Variants in NXPH1 observed in about 807,000 individuals in gnomAD.
NXPH1 encodes the protein neurexophilin-1.
In NXPH1, 5 loss-of-function variants were observed where a neutral mutation model predicts 23.7. The ratio of observed to expected loss-of-function variants is 0.21; its 90% CI spans 0.11 to 0.44. The LOEUF is 0.44. NXPH1 is among the 20% of genes least tolerant of loss of function. NXPH1 has a pLI of 0.99. For synonymous variants in NXPH1, 144 were observed against 122.2 expected (o/e 1.18, Z -1.18); for missense variants, 324 against 321.6 (o/e 1.01, Z -0.06).
intron 2 of NXPH1, among the ~76,000 whole-genome samples, chr7:8,607,751 A>G (rs1189962450): frequency 6.6e-6 from 1 of 152,212 alleles, no homozygotes; most frequent in African/African-American, 2.4e-5. Flanking sequence ...GTGGGTTGAA[A>G]TATGTTCCCC....
intron 2 of NXPH1, among the ~76,000 whole-genome samples, chr7:8,666,784 A>G (rs1438557917): frequency 2.6e-5 from 4 of 151,984 alleles, no homozygotes; most frequent in Non-Finnish European, 4.4e-5. Flanking sequence ...TAATTTATCA[A>G]TTTATTCTAG....
At chr7:8,504,629 G>A (rs1817491973) in intron 2 of NXPH1, among the ~76,000 whole-genome samples, 1 of 151,996 alleles carries the variant, frequency 6.6e-6, no homozygotes, top group South Asian at 2.1e-4. Flanking sequence ...CACATGCTCT[G>A]CATTCCCTTG....
chr7:8,696,848 A>AAAAAAC (rs1368623390), intron 2 of NXPH1, among the ~76,000 whole-genome samples: 1 of 150,196 alleles, frequency 6.7e-6, no homozygotes, highest in Non-Finnish European at 1.5e-5. Flanking sequence ...CTCAAAAAAA[A>AAAAAAC]AAAAAAAAAG....
intron 2 of NXPH1, among the ~76,000 whole-genome samples, chr7:8,459,192 A>C (rs1303421542): frequency 6.6e-6 from 1 of 151,950 alleles, no homozygotes; most frequent in Non-Finnish European, 1.5e-5. Flanking sequence ...AGTATTTTGC[A>C]TGGAAAGTGG....
chr7:8,595,787 G>T (rs1819209576), intron 2 of NXPH1, among the ~76,000 whole-genome samples: 1 of 151,816 alleles, frequency 6.6e-6, no homozygotes, highest in Non-Finnish European at 1.5e-5. Flanking sequence ...AATTTTTCAA[G>T]TTTCTTTCCG....
chr7:8,750,133 A>G (rs1443480756), intron 2 of NXPH1, among the ~76,000 whole-genome samples: 1 of 152,176 alleles, frequency 6.6e-6, no homozygotes, highest in Non-Finnish European at 1.5e-5. Flanking sequence ...CAAGGTAAAA[A>G]ATTATGTCTT....
intron 2 of NXPH1, among the ~76,000 whole-genome samples, chr7:8,459,562 C>T (rs76303361): frequency 0.016 from 2,505 of 152,294 alleles, 121 homozygotes; most frequent in Admixed American, 0.099. Flanking sequence ...CTGCCATCTT[C>T]TTTCTTCTAG....
chr7:8,726,228 C>A (rs908762927), intron 2 of NXPH1, among the ~76,000 whole-genome samples: 1 of 150,194 alleles, frequency 6.7e-6, no homozygotes, highest in African/African-American at 2.4e-5. Context: ...ATATACTATT[C>A]TGAAAATATG....
At chr7:8,735,808 T>C (rs1780243624) in intron 2 of NXPH1, among the ~76,000 whole-genome samples, 1 of 152,208 alleles carries the variant, frequency 6.6e-6, no homozygotes, top group African/African-American at 2.4e-5. Context: ...CGCCTTAATT[T>C]CAGAACTCAT....
intron 2 of NXPH1, among the ~76,000 whole-genome samples, chr7:8,570,209 T>C (rs1261889866): frequency 1.3e-5 from 2 of 151,990 alleles, no homozygotes; most frequent in African/African-American, 4.8e-5. Flanking sequence ...TTTGTTGATA[T>C]AAAACTGTTA....
At chr7:8,522,772 C>T (rs1584209495) in intron 2 of NXPH1, among the ~76,000 whole-genome samples, 1 of 152,200 alleles carries the variant, frequency 6.6e-6, no homozygotes, top group East Asian at 1.9e-4. Context: ...CTGCTTCCCA[C>T]CTCTAGGTCC....
chr7:8,612,867 C>G (rs1819650499), intron 2 of NXPH1, among the ~76,000 whole-genome samples: 1 of 152,030 alleles, frequency 6.6e-6, no homozygotes, highest in Admixed American at 6.6e-5. Flanking sequence ...AAAAATGCAG[C>G]TTCATTTCCT....
intron 2 of NXPH1, among the ~76,000 whole-genome samples, chr7:8,467,052 T>C (rs952899784): frequency 6.6e-6 from 1 of 152,134 alleles, no homozygotes; most frequent in Non-Finnish European, 1.5e-5. Flanking sequence ...ATGCAAGAAA[T>C]ATACAGCAGC....
chr7:8,447,849 T>C (rs1816432275), intron 2 of NXPH1, among the ~76,000 whole-genome samples: 1 of 152,184 alleles, frequency 6.6e-6, no homozygotes, highest in Admixed American at 6.5e-5. Flanking sequence ...TGAGAGGCTT[T>C]AAAGGCAAAG....
chr7:8,641,503 A>C (rs1562439768), intron 2 of NXPH1, among the ~76,000 whole-genome samples: 1 of 152,178 alleles, frequency 6.6e-6, no homozygotes, highest in South Asian at 2.1e-4. Flanking sequence ...TAACACTGCA[A>C]CAACACTACT....
At chr7:8,476,531 A>G (rs1341737188) in intron 2 of NXPH1, among the ~76,000 whole-genome samples, 1 of 150,720 alleles carries the variant, frequency 6.6e-6, no homozygotes, top group Non-Finnish European at 1.5e-5. Context: ...CATATGAGGG[A>G]TTCATATAGA....
intron 2 of NXPH1, among the ~76,000 whole-genome samples, chr7:8,656,633 G>A (rs141578279): frequency 0.015 from 2,216 of 151,394 alleles, 59 homozygotes; most frequent in African/African-American, 0.052. Flanking sequence ...ATGCTGGTGC[G>A]CTGCACCCAC....
chr7:8,641,427 T>C (rs1157046674), intron 2 of NXPH1, among the ~76,000 whole-genome samples: 2 of 152,064 alleles, frequency 1.3e-5, no homozygotes, highest in Admixed American at 6.6e-5. Context: ...ACTACAGAAA[T>C]TGGCATGTGC....
chr7:8,707,713 T>G (rs1251791838), intron 2 of NXPH1, among the ~76,000 whole-genome samples: 1 of 152,160 alleles, frequency 6.6e-6, no homozygotes, highest in Non-Finnish European at 1.5e-5. Context: ...AAGGCCTAAC[T>G]CTAGGATTTG....
Sources: allele counts gnomAD v4.1 joint callset (sites outside exome capture counted in the v4.1 genomes callset), GRCh38; gene constraint gnomAD v4.1.1; transcripts MANE v1.5; gene names NCBI Gene and HGNC (gene_info 2026-07-23, HGNC 2026-07-21).